SGCZ: variants seen among roughly 807,000 people sequenced by gnomAD.
The protein encoded by SGCZ is sarcoglycan zeta, also known as zeta-sarcoglycan.
In SGCZ, 40 loss-of-function variants were observed where a neutral mutation model predicts 41.3. That is an observed-to-expected ratio of 0.97 (90% CI 0.75 to 1.26). The LOEUF is 1.26. Ranked by LOEUF, SGCZ falls within the 50% of genes most tolerant of loss-of-function variation. The pLI is 0.00. For missense variants in SGCZ, 552 were observed against 369.8 expected, an observed-to-expected ratio of 1.49 and a Z score of -4.04; for synonymous variants, 206 against 137.5, an observed-to-expected ratio of 1.50 and a Z score of -3.49.
At chr8:14,865,176 C>A (rs547747331) in intron 1 of SGCZ, among the ~76,000 whole-genome samples, 2 of 152,030 alleles carry the variant, frequency 1.3e-5, no homozygotes, top group Non-Finnish European at 2.9e-5. Context: ...TCCACCGTCA[C>A]GTGACTCCCA....
At chr8:14,239,640 C>T (rs1028434266) in intron 3 of SGCZ, among the ~76,000 whole-genome samples, 4 of 151,756 alleles carry the variant, frequency 2.6e-5, no homozygotes, top group South Asian at 4.2e-4. Context: ...AATTATTTCA[C>T]GCCTGTAATT....
chr8:14,932,455 G>A lies in SGCZ; in HGVS notation c.39+305130C>T, dbSNP rs1048098613. Among the ~76,000 whole-genome samples, 30 of 152,050 alleles carry A rather than the reference G, an allele frequency of 2.0e-4. 3 individuals carry two copies. Among genetic ancestry groups the A allele is most frequent in the Admixed American group, 1.6e-3 (24 of 15,284 alleles). ...TAATTTTGACTTCAGGCTCTATAAA[G>A]TAAAGTTGGTGCATTCGTTCTGTGT... is the stretch of plus-strand genomic sequence containing the variant. On this transcript the variant is annotated intron_variant, in intron 1 of 7. Transcript: ENST00000382080.
At chr8:14,680,421 A>G (rs1808404654) in intron 1 of SGCZ, among the ~76,000 whole-genome samples, 5 of 152,138 alleles carry the variant, frequency 3.3e-5, no homozygotes, top group Admixed American at 3.3e-4. Flanking sequence ...AGATGTTTAC[A>G]ATGGGGAAAC....
chr8:15,010,102 C>T (rs1320006899), intron 1 of SGCZ, among the ~76,000 whole-genome samples: 1 of 152,002 alleles, frequency 6.6e-6, no homozygotes, highest in Non-Finnish European at 1.5e-5. Flanking sequence ...CTCCTAGCAA[C>T]AGGAATAATG....
intron 5 of SGCZ, among the ~76,000 whole-genome samples, chr8:14,112,785 G>A (rs1177349861): frequency 6.6e-6 from 1 of 151,970 alleles, no homozygotes; most frequent in African/African-American, 2.4e-5. Context: ...AGAATTATAC[G>A]ATTATTTTTT....
intron 1 of SGCZ, among the ~76,000 whole-genome samples, chr8:14,646,413 T>C (rs1343269743): frequency 2.0e-5 from 3 of 151,706 alleles, no homozygotes; most frequent in Admixed American, 6.6e-5. Context: ...TAGTATTCCA[T>C]GGTGTATATG....
intron 3 of SGCZ, among the ~76,000 whole-genome samples, chr8:14,276,708 A>T (rs1205053054): frequency 6.6e-6 from 1 of 152,110 alleles, no homozygotes; most frequent in Non-Finnish European, 1.5e-5. Flanking sequence ...TTATTCTAAA[A>T]ATTCAAATTT....
intron 1 of SGCZ, among the ~76,000 whole-genome samples, chr8:15,032,302 T>C (rs1391748133): frequency 6.6e-6 from 1 of 151,634 alleles, no homozygotes; most frequent in Admixed American, 6.6e-5. Flanking sequence ...AAAAAGAAAT[T>C]AAAAAAAGAC....
intron 3 of SGCZ, among the ~76,000 whole-genome samples, chr8:14,253,922 T>A (rs1447283431): frequency 2.7e-5 from 3 of 110,020 alleles, no homozygotes; most frequent in Non-Finnish European, 5.5e-5. Flanking sequence ...AAAATTACAG[T>A]TTTTCTCACT....
chr8:14,102,828 C>A (rs1368686375), intron 6 of SGCZ, among the ~76,000 whole-genome samples: 2 of 152,074 alleles, frequency 1.3e-5, no homozygotes, highest in Non-Finnish European at 2.9e-5. Flanking sequence ...GATAAGTATA[C>A]TTGCTAAAAT....
chr8:14,333,662 C>T (rs1448750689), intron 2 of SGCZ, among the ~76,000 whole-genome samples: 1 of 152,096 alleles, frequency 6.6e-6, no homozygotes, highest in Non-Finnish European at 1.5e-5. Flanking sequence ...ATACAGAGGT[C>T]TCCTAACATT....
intron 2 of SGCZ, among the ~76,000 whole-genome samples, chr8:14,505,257 T>C (rs1041163116): frequency 1.3e-5 from 2 of 152,138 alleles, no homozygotes; most frequent in Admixed American, 6.5e-5. Context: ...CACTTTGAAA[T>C]ATGTGTATAT....
At chr8:14,507,254 T>G (rs533374544) in intron 2 of SGCZ, among the ~76,000 whole-genome samples, 6 of 152,036 alleles carry the variant, frequency 3.9e-5, no homozygotes, top group Non-Finnish European at 7.4e-5. Context: ...TACTGCCAAC[T>G]TGATAAAGGC....
intron 2 of SGCZ, among the ~76,000 whole-genome samples, chr8:14,452,435 A>C (rs1356934975): frequency 6.6e-6 from 1 of 152,138 alleles, no homozygotes; most frequent in Non-Finnish European, 1.5e-5. Context: ...TCCAAGAGTG[A>C]ATATTAATGT....
At chr8:14,696,770 CTGTT>C (rs1377711008) in intron 1 of SGCZ, among the ~76,000 whole-genome samples, 1 of 150,378 alleles carries the variant, frequency 6.6e-6, no homozygotes, top group Non-Finnish European at 1.5e-5. Context: ...TCATAAGTGT[CTGTT>C]TGCCAAAAGG....
intron 5 of SGCZ, among the ~76,000 whole-genome samples, chr8:14,113,790 G>A (rs1450760024): frequency 2.0e-5 from 3 of 152,012 alleles, no homozygotes; most frequent in Admixed American, 1.3e-4. Flanking sequence ...CCCAGTGTCT[G>A]TAGAAGTCAA....
At chr8:14,924,854 A>G (rs914488301) in intron 1 of SGCZ, among the ~76,000 whole-genome samples, 3 of 125,464 alleles carry the variant, frequency 2.4e-5, no homozygotes, top group Non-Finnish European at 3.2e-5. Context: ...GGAATTTAAG[A>G]CTTTTTTTTT....
intron 1 of SGCZ, among the ~76,000 whole-genome samples, chr8:14,986,397 G>A (rs1358575338): frequency 1.3e-5 from 2 of 151,988 alleles, no homozygotes; most frequent in Non-Finnish European, 2.9e-5. Context: ...AAGGCAATTT[G>A]ACTGATACGC....
rs187219714 is a variant in SGCZ, at chr8:14,456,508, C to T, written c.234+98224G>A. Among the ~76,000 whole-genome samples the T allele has an allele frequency of 2.6e-5, 4 of 152,098 alleles. No individual in the cohort carries two copies. In the East Asian group the frequency reaches 5.8e-4, roughly 22 times the overall value. On this transcript the variant is annotated intron_variant, in intron 2 of 7. Coordinates refer to ENST00000382080, the MANE Select transcript of SGCZ (RefSeq NM_139167.4). The stretch of plus-strand genomic sequence containing the variant: ...GGTATTAAAATTTAGAAAAAGAAAG[C>T]AGAGGACTTAGGAAAACATGCATGT...
Sources: gnomAD v4.1 joint callset for allele counts (sites outside exome capture counted in the v4.1 genomes callset) on GRCh38, gnomAD v4.1.1 for gene constraint, MANE v1.5 for transcripts, NCBI Gene and HGNC (gene_info 2026-07-23, HGNC 2026-07-21) for gene names.